Variants in AP1B1 observed in about 807,000 individuals in gnomAD.
AP1B1 encodes AP-1 complex subunit beta-1.
A neutral mutation model predicts 104.3 loss-of-function variants in AP1B1; 36 were observed. The ratio of observed to expected loss-of-function variants is 0.35; its 90% CI spans 0.26 to 0.46. The LOEUF is 0.46. AP1B1 is among the 20% of genes least tolerant of loss of function. AP1B1 has a pLI of 1.00. For missense variants in AP1B1, 901 were observed against 1,247.9 expected (o/e 0.72, Z 4.19); for synonymous variants, 504 against 517.5 (o/e 0.97, Z 0.35).
At chr22:29,334,749 C>CACT (rs1157463999) in intron 16 of AP1B1, among the ~76,000 whole-genome samples, 1 of 150,270 alleles carries the variant, frequency 6.7e-6, no homozygotes, top group Non-Finnish European at 1.5e-5. Flanking sequence ...ATGGAGGGAT[C>CACT]ACTTGGGAAG....
chr22:29,350,724 G>C (rs1311156138), intron 9 of AP1B1, among the ~76,000 whole-genome samples: 1 of 152,192 alleles, frequency 6.6e-6, no homozygotes, highest in Non-Finnish European at 1.5e-5. Flanking sequence ...CATCTCCACA[G>C]ACAGAGAAAG....
In AP1B1 at chr22:29,356,542, G is replaced by A; in HGVS notation, c.600C>T (p.Asn200=). The A allele has an allele frequency of 6.2e-7, 1 of 1,614,214 alleles. No individual in the cohort carries two copies. The highest frequency in any genetic ancestry group is 8.5e-7 in the Non-Finnish European group (1 of 1,180,032). Residue 200 remains asparagine (N), a synonymous_variant, in exon 6 of 23, where the codon AAC becomes AAT. Coordinates refer to ENST00000357586, the MANE Select transcript of AP1B1 (RefSeq NM_001127.4). ...SHPSSNLLDL[N]PQSINKLLTA... ...TCAGCAGCTTGTTGATGGACTGTGG[G>A]TTCAGATCGAGCAGGTTGCTGCTGG...
chr22:29,373,273 A>G (rs1167961724), intron 1 of AP1B1, among the ~76,000 whole-genome samples: 1 of 152,176 alleles, frequency 6.6e-6, no homozygotes, highest in Admixed American at 6.5e-5. Context: ...CCGTGTCTCA[A>G]AAAAAGAAAA....
intron 11 of AP1B1, among the ~76,000 whole-genome samples, chr22:29,347,397 T>G (rs139694647): frequency 1.4e-3 from 209 of 152,346 alleles, no homozygotes; most frequent in African/African-American, 4.8e-3. Flanking sequence ...AGGGAAGATC[T>G]AATGATTCTC....
At chr22:29,329,875 A>T (rs1281228137) in intron 21 of AP1B1, 155 bp from the exon 22 acceptor site, 1 of 1,479,748 alleles carries the variant, frequency 6.8e-7, no homozygotes, top group Admixed American at 2.4e-5. Context: ...TGCCTGCCAG[A>T]GACTCAGGGG....
At chr22:29,334,921 C>G (rs1048347511) in intron 16 of AP1B1, among the ~76,000 whole-genome samples, 2 of 152,228 alleles carry the variant, frequency 1.3e-5, no homozygotes, top group Non-Finnish European at 2.9e-5. Context: ...AAGGACAGTA[C>G]CTAAGAGGAC....
At chr22:29,351,334 C>T (rs1395133816) in intron 8 of AP1B1, 68 bp from the exon 9 acceptor site, 2 of 1,508,070 alleles carry the variant, frequency 1.3e-6, no homozygotes, top group Admixed American at 3.3e-5. Context: ...CACTCCTGGG[C>T]AGTGAATATA....
chr22:29,371,989 C>T (rs2062246929), intron 1 of AP1B1, among the ~76,000 whole-genome samples: 1 of 152,188 alleles, frequency 6.6e-6, no homozygotes, highest in Non-Finnish European at 1.5e-5. Flanking sequence ...ATACCTGGAA[C>T]AACTGGTTTC....
chr22:29,331,393 G>A (rs2061555134), intron 19 of AP1B1, 56 bp downstream of exon 19: 1 of 1,570,628 alleles, frequency 6.4e-7, no homozygotes, highest in Non-Finnish European at 8.8e-7. Flanking sequence ...ACCTTGGCCA[G>A]GTTCCCAAGC....
chr22:29,343,993 C>T (rs181687950), intron 11 of AP1B1, among the ~76,000 whole-genome samples: 1,878 of 151,980 alleles, frequency 0.012, 19 homozygotes, highest in Non-Finnish European at 0.018. Flanking sequence ...TACCTGTAAT[C>T]CCAGCTACTC....
At chr22:29,369,422 C>T (rs1336691446) in intron 1 of AP1B1, among the ~76,000 whole-genome samples, 1 of 152,150 alleles carries the variant, frequency 6.6e-6, no homozygotes, top group Admixed American at 6.6e-5. Flanking sequence ...GCTTCACTGA[C>T]AAAACAGTAC....
intron 16 of AP1B1, among the ~76,000 whole-genome samples, chr22:29,335,847 C>T: frequency 6.6e-6 from 1 of 152,178 alleles, no homozygotes; most frequent in East Asian, 1.9e-4. Context: ...TCTGTGAGGA[C>T]AGAAAGCACC....
intron 1 of AP1B1, among the ~76,000 whole-genome samples, chr22:29,374,431 T>C (rs1232421694): frequency 6.6e-6 from 1 of 152,182 alleles, no homozygotes; most frequent in African/African-American, 2.4e-5. Context: ...TTGCATCACA[T>C]TGCAGACAAG....
intron 12 of AP1B1, 39 bp downstream of exon 12, chr22:29,342,246 G>C (rs1164042265): frequency 9.8e-6 from 15 of 1,526,372 alleles, no homozygotes; most frequent in Non-Finnish European, 1.4e-5. Flanking sequence ...GCTTGAGTGA[G>C]GGCTATGCTG....
chr22:29,332,129 T>C (rs937113815), intron 17 of AP1B1: 14 of 519,076 alleles, frequency 2.7e-5, no homozygotes, highest in South Asian at 1.1e-4. Context: ...CCCAGGCCAA[T>C]TGCTCTGCTC....
chr22:29,377,652 A>T (rs2062367028), intron 1 of AP1B1, among the ~76,000 whole-genome samples: 1 of 151,956 alleles, frequency 6.6e-6, no homozygotes, highest in Non-Finnish European at 1.5e-5. Flanking sequence ...TACTAAACAT[A>T]CAAAAAAATT....
At chr22:29,359,587 G>A in intron 4 of AP1B1, 2 of 458,802 alleles carry the variant, frequency 4.4e-6, no homozygotes, top group Non-Finnish European at 7.7e-6. Context: ...AGGGCAGTGA[G>A]GGGATCAACA....
chr22:29,339,888 G>A (rs888960372), intron 14 of AP1B1, 114 bp from the exon 15 acceptor site: 18 of 1,138,168 alleles, frequency 1.6e-5, no homozygotes, highest in South Asian at 8.0e-5. Context: ...ATTAGTCAAC[G>A]GTAGCTCCAT....
At chr22:29,376,024 C>T (rs2062335448) in intron 1 of AP1B1, among the ~76,000 whole-genome samples, 1 of 152,182 alleles carries the variant, frequency 6.6e-6, no homozygotes, top group Admixed American at 6.5e-5. Flanking sequence ...GGCCCATTTC[C>T]CTACCAATGA....
Sources: gnomAD v4.1 joint callset for allele counts (sites outside exome capture counted in the v4.1 genomes callset) on GRCh38, gnomAD v4.1.1 for gene constraint, MANE v1.5 for transcripts, NCBI Gene and HGNC (gene_info 2026-07-23, HGNC 2026-07-21) for gene names.